The following STAM variants were observed in gnomAD, a reference collection of about 807,000 sequenced individuals.
STAM encodes signal transducing adaptor molecule.
Under a neutral mutation model 63.4 loss-of-function variants are expected in STAM, and 16 were observed. The ratio of observed to expected loss-of-function variants is 0.25; its 90% CI spans 0.17 to 0.38. The LOEUF (loss-of-function observed/expected upper bound fraction) is 0.38, where lower values mean the gene tolerates loss of function less well. STAM is among the 10% of genes least tolerant of loss of function. The probability of loss-of-function intolerance (pLI) is 1.00; values close to 1 mark genes in which losing one functional copy is unlikely to be tolerated. For missense variants in STAM, 636 were observed against 657.1 expected, an observed-to-expected ratio of 0.97 and a Z score of 0.35; for synonymous variants, 238 against 223.9, an observed-to-expected ratio of 1.06 and a Z score of -0.56.
chr10:17,664,662 A>T (rs1834306329), intron 2 of STAM, among the ~76,000 whole-genome samples: 1 of 152,138 alleles, frequency 6.6e-6, no homozygotes, highest in African/African-American at 2.4e-5. Flanking sequence ...GTGGGTTGAG[A>T]GGGAAAAGAG....
intron 2 of STAM, among the ~76,000 whole-genome samples, chr10:17,672,813 C>G (rs1834694301): frequency 6.6e-6 from 1 of 151,906 alleles, no homozygotes; most frequent in Admixed American, 6.6e-5. Context: ...GAATGTTGTT[C>G]TTCTGTGACA....
In STAM at chr10:17,688,062, T is replaced by G. The variant is rs1835367762; in HGVS notation, c.333T>G (p.Leu111=). ...HPKVCEKLKA[L]MVEWTDEFKN... ...AAGTATGTGAAAAATTAAAGGCTCTTATGGTTGAATGGACAGATGAATTTA... is the reference window on the plus strand; with the variant it reads ...AAGTATGTGAAAAATTAAAGGCTCTGATGGTTGAATGGACAGATGAATTTA... The change falls in exon 5 of 14, where the codon CTT becomes CTG. Residue 111 remains leucine, a synonymous_variant. Coordinates refer to ENST00000377524, the MANE Select transcript of STAM (RefSeq NM_003473.4). 2 of 1,605,176 alleles carry G rather than the reference T, an allele frequency of 1.2e-6. No individual in the cohort carries two copies. The highest frequency in any genetic ancestry group is 2.2e-5 in the South Asian group (2 of 88,992).
intron 2 of STAM, among the ~76,000 whole-genome samples, chr10:17,664,292 T>G (rs1554823184): frequency 1.3e-5 from 2 of 152,148 alleles, no homozygotes; most frequent in African/African-American, 2.4e-5. Flanking sequence ...AAATTATATA[T>G]ACAATAAAAT....
At chr10:17,657,891 G>A (rs1282757574) in intron 1 of STAM, among the ~76,000 whole-genome samples, 7 of 149,028 alleles carry the variant, frequency 4.7e-5, no homozygotes, top group African/African-American at 1.5e-4. Flanking sequence ...GCAGCATATC[G>A]GTTTTATTGA....
rs1485422159 is a variant in STAM at position 17,693,224 on chromosome 10, T to C, written c.447T>C (p.Ala149=). The C allele has an allele frequency of 6.2e-7, 1 of 1,613,342 alleles. No individual in the cohort carries two copies. Among genetic ancestry groups the C allele is most frequent in the Non-Finnish European group, 8.5e-7 (1 of 1,179,682 alleles). ...GVTFPAIGSQ[A]AEQAKASPAL... is the part of the protein sequence containing the mutation. ...ACTGTGTTCCTCTTTTTTGTTAGGC[T>C]GCAGAACAAGCAAAAGCAAGCCCAG... is the stretch of plus-strand genomic sequence containing the variant. The change falls in exon 6 of 14, where the codon GCT becomes GCC. Residue 149 remains alanine, a splice_region_variant and synonymous_variant. Coordinates refer to ENST00000377524, the MANE Select transcript of STAM (RefSeq NM_003473.4).
rs374018862 is a variant in STAM, at chr10:17,695,165, A to G, written c.652A>G (p.Ile218Val). ...ACATGAAGGCCGAAAAGTTCGTGCT[A>G]TATATGACTTTGAAGCTGCTGAAGA... ...HQHEGRKVRA[I>V]YDFEAAEDNE... Residue 218 changes from isoleucine (I) to valine (V), a missense_variant, in exon 7 of 14, where the codon ATA (isoleucine) becomes GTA (valine). Transcript: ENST00000377524. 8.1e-6 allele frequency: 13 copies of G among 1,613,990 alleles called. No homozygotes were observed. Among genetic ancestry groups the G allele is most frequent in the Non-Finnish European group, 1.0e-5 (12 of 1,179,990 alleles).
chr10:17,694,549 A>T (rs1384870094), intron 6 of STAM, among the ~76,000 whole-genome samples: 1 of 152,134 alleles, frequency 6.6e-6, no homozygotes, highest in Admixed American at 6.6e-5. Flanking sequence ...GACACGTTTG[A>T]GATCTATTTT....
At chr10:17,644,401 T>G (rs782700563) in intron 1 of STAM, 22 bp downstream of exon 1, 1 of 1,613,992 alleles carries the variant, frequency 6.2e-7, no homozygotes, top group Non-Finnish European at 8.5e-7. Flanking sequence ...TGCCTCTCCC[T>G]GCCCATTCCT....
intron 10 of STAM, 123 bp from the exon 11 acceptor site, chr10:17,704,847 G>T (rs1836183073): frequency 3.6e-6 from 3 of 836,070 alleles, no homozygotes; most frequent in South Asian, 3.7e-5. Flanking sequence ...TAAGGTTAAA[G>T]AATGTATATT....
intron 2 of STAM, among the ~76,000 whole-genome samples, chr10:17,678,299 G>A (rs987796517): frequency 6.6e-6 from 1 of 151,740 alleles, no homozygotes; most frequent in South Asian, 2.1e-4. Flanking sequence ...GTGTTGCCCA[G>A]GCTAGAATGC....
chr10:17,716,199 AC>A lies in STAM; in HGVS notation c.*1420del, dbSNP rs1432780352. 6.6e-6 allele frequency among the ~76,000 whole-genome samples: 1 copy of A among 152,178 alleles called. No homozygotes were observed. Among genetic ancestry groups the A allele is most frequent in the Non-Finnish European group, 1.5e-5 (1 of 68,008 alleles). On this transcript the variant is annotated 3_prime_UTR_variant, in exon 14 of 14. Transcript: ENST00000377524. ...ACATCATATTTAATGAATTGATGTA[AC>A]AGGTTTCATACTATAAATGAAAATT...
intron 12 of STAM, among the ~76,000 whole-genome samples, chr10:17,706,535 C>A (rs973002430): frequency 5.3e-5 from 8 of 151,918 alleles, no homozygotes; most frequent in African/African-American, 1.9e-4. Context: ...CCCGTCACCA[C>A]GCCAGGCTAA....
intron 2 of STAM, among the ~76,000 whole-genome samples, chr10:17,666,433 T>C (rs1834384132): frequency 1.3e-5 from 2 of 149,168 alleles, no homozygotes; most frequent in African/African-American, 2.5e-5. Flanking sequence ...CTTGCTTTGT[T>C]GCTCAGGCTG....
intron 2 of STAM, among the ~76,000 whole-genome samples, chr10:17,675,140 G>C (rs989203735): frequency 3.9e-5 from 6 of 152,116 alleles, no homozygotes; most frequent in African/African-American, 1.4e-4. Flanking sequence ...CCTTTTCATC[G>C]CTTGGTTTTA....
chr10:17,691,821 T>G (rs1835548557), intron 5 of STAM, among the ~76,000 whole-genome samples: 1 of 152,224 alleles, frequency 6.6e-6, no homozygotes, highest in South Asian at 2.1e-4. Context: ...AATTTCATTT[T>G]TAAATTGTTT....
intron 5 of STAM, among the ~76,000 whole-genome samples, chr10:17,688,604 A>G (rs1554826403): frequency 6.6e-6 from 1 of 151,330 alleles, no homozygotes; most frequent in African/African-American, 2.4e-5. Context: ...CTGGGACTAC[A>G]TGCACGTGCA....
intron 1 of STAM, among the ~76,000 whole-genome samples, chr10:17,652,257 AT>A (rs782743102): frequency 6.6e-6 from 1 of 151,878 alleles, no homozygotes; most frequent in African/African-American, 2.4e-5. Context: ...TAAAAAAAAA[AT>A]ACTTGTTCTT....
chr10:17,684,563 C>T, intron 2 of STAM, 112 bp from the exon 3 acceptor site: 7 of 713,396 alleles, frequency 9.8e-6, no homozygotes, highest in Non-Finnish European at 1.5e-5. Flanking sequence ...ATTAAATTTC[C>T]CTACTTTATC....
chr10:17,699,345 A>G (rs1352684108), intron 8 of STAM, among the ~76,000 whole-genome samples: 2 of 152,124 alleles, frequency 1.3e-5, no homozygotes, highest in African/African-American at 4.8e-5. Context: ...CTTCCTTTCC[A>G]TCATGATTCT....
Sources: allele counts gnomAD v4.1 joint callset (sites outside exome capture counted in the v4.1 genomes callset), GRCh38; gene constraint gnomAD v4.1.1; transcripts MANE v1.5; gene names NCBI Gene and HGNC (gene_info 2026-07-23, HGNC 2026-07-21).